The following CLIC5 variants were observed in gnomAD, a reference collection of about 807,000 sequenced individuals.
CLIC5 encodes CLIC family member 5, also known as chloride intracellular channel protein 5.
CLIC5 carries 20 observed loss-of-function variants against 24.7 expected under a neutral mutation model. The ratio of observed to expected loss-of-function variants is 0.81; its 90% CI spans 0.57 to 1.18. CLIC5 has a LOEUF of 1.18. CLIC5 is among the 50% of genes most tolerant of loss of function. The pLI is 0.00. For missense variants in CLIC5, 341 were observed against 326.1 expected (o/e 1.05, Z -0.35); for synonymous variants, 159 against 135.6 (o/e 1.17, Z -1.20).
chr6:46,079,666 G>C (rs1201117432), intron 1 of CLIC5: 1 of 1,500,394 alleles, frequency 6.7e-7, no homozygotes, highest in Non-Finnish European at 9.0e-7. Flanking sequence ...CATAATATCT[G>C]CATGAACAGG....
chr6:46,035,458 A>C (rs954262883), intron 1 of CLIC5, among the ~76,000 whole-genome samples: 2 of 152,168 alleles, frequency 1.3e-5, no homozygotes, highest in African/African-American at 4.8e-5. Flanking sequence ...TTAAACACAT[A>C]ACTCTGCCTG....
intron 1 of CLIC5, among the ~76,000 whole-genome samples, chr6:45,995,203 C>T (rs922551446): frequency 6.6e-6 from 1 of 152,130 alleles, no homozygotes; most frequent in African/African-American, 2.4e-5. Flanking sequence ...ACCATTAGTG[C>T]CTCAGTTTCC....
chr6:46,054,995 C>T (rs1449797258), intron 1 of CLIC5, among the ~76,000 whole-genome samples: 1 of 152,222 alleles, frequency 6.6e-6, no homozygotes, highest in African/African-American at 2.4e-5. Flanking sequence ...TGGGCCAAAC[C>T]TTTCAAAGAG....
chr6:46,028,359 GTGGT>G (rs1379827832), intron 1 of CLIC5, among the ~76,000 whole-genome samples: 2 of 152,200 alleles, frequency 1.3e-5, no homozygotes, highest in Admixed American at 6.5e-5. Flanking sequence ...GAAGTCCCAG[GTGGT>G]TGGAGTCATT....
chr6:46,073,702 T>G (rs1404814165), intron 1 of CLIC5, among the ~76,000 whole-genome samples: 1 of 152,224 alleles, frequency 6.6e-6, no homozygotes, highest in East Asian at 1.9e-4. Context: ...GCACTCTTAG[T>G]TATTCAACTT....
At chr6:45,904,720 T>C (rs2127295979) in intron 5 of CLIC5, among the ~76,000 whole-genome samples, 1 of 123,064 alleles carries the variant, frequency 8.1e-6, no homozygotes, top group East Asian at 2.3e-4. Context: ...TCACTCTCTC[T>C]CTCCTTCTCT....
At chr6:46,056,397 C>T (rs1275184380) in intron 1 of CLIC5, among the ~76,000 whole-genome samples, 2 of 152,144 alleles carry the variant, frequency 1.3e-5, no homozygotes, top group African/African-American at 2.4e-5. Context: ...AGGCAACTGG[C>T]TTCTTGGGTT....
intron 1 of CLIC5, among the ~76,000 whole-genome samples, chr6:45,963,498 C>T (rs967497151): frequency 2.6e-5 from 4 of 152,132 alleles, no homozygotes; most frequent in African/African-American, 9.7e-5. Context: ...TTGCTGACAT[C>T]CTCCTTTTTC....
At chr6:45,904,803 A>G (rs1223388251) in intron 5 of CLIC5, among the ~76,000 whole-genome samples, 3 of 150,016 alleles carry the variant, frequency 2.0e-5, no homozygotes, top group Non-Finnish European at 4.4e-5. Context: ...GGTATAACGC[A>G]TGATGCTGAG....
intron 5 of CLIC5, chr6:45,913,696 G>A: frequency 1.1e-6 from 1 of 882,754 alleles, no homozygotes; most frequent in Non-Finnish European, 1.5e-6. Flanking sequence ...GTTAGTAAGT[G>A]CAATGATAGC....
At chr6:46,118,099 C>A in the CLIC5 span, among the ~76,000 whole-genome samples, 1 of 152,202 alleles carries the variant, frequency 6.6e-6, no homozygotes, top group Non-Finnish European at 1.5e-5. Flanking sequence ...ACAGCCTGCC[C>A]AGCTCACCCA....
the CLIC5 span, among the ~76,000 whole-genome samples, chr6:46,120,836 T>C: frequency 0.012 from 1,885 of 151,938 alleles, 19 homozygotes; most frequent in Non-Finnish European, 0.015. Context: ...ATATCAGTGA[T>C]TGAAGATCAA....
the CLIC5 span, among the ~76,000 whole-genome samples, chr6:46,106,962 C>A: frequency 6.6e-6 from 1 of 152,030 alleles, no homozygotes; most frequent in African/African-American, 2.4e-5. Context: ...GCTATAAAGT[C>A]TTTTTTTATG....
At chr6:46,047,934 G>T (rs897383240) in intron 1 of CLIC5, among the ~76,000 whole-genome samples, 12 of 150,662 alleles carry the variant, frequency 8.0e-5, no homozygotes, top group Non-Finnish European at 1.8e-4. Flanking sequence ...GTATATAATA[G>T]TTTTCTAAAA....
At chr6:46,041,976 A>G (rs1244548835) in intron 1 of CLIC5, among the ~76,000 whole-genome samples, 2 of 152,202 alleles carry the variant, frequency 1.3e-5, no homozygotes, top group Non-Finnish European at 1.5e-5. Flanking sequence ...GAAGCTCTCA[A>G]TTAGAAACAA....
the CLIC5 span, among the ~76,000 whole-genome samples, chr6:46,105,149 G>C: frequency 6.6e-6 from 1 of 152,048 alleles, no homozygotes; most frequent in Non-Finnish European, 1.5e-5. Context: ...ACAGATGTGG[G>C]TTGTAACACA....
intron 1 of CLIC5, among the ~76,000 whole-genome samples, chr6:45,968,324 G>A (rs1446250393): frequency 6.6e-6 from 1 of 152,102 alleles, no homozygotes; most frequent in East Asian, 1.9e-4. Flanking sequence ...TCCTCCTGGG[G>A]TACTTTTATT....
the CLIC5 span, among the ~76,000 whole-genome samples, chr6:46,095,410 AT>A: frequency 6.6e-6 from 1 of 152,094 alleles, no homozygotes; most frequent in Non-Finnish European, 1.5e-5. Context: ...ATAAGTTCCA[AT>A]TTCAGGTCAT....
intron 3 of CLIC5, among the ~76,000 whole-genome samples, chr6:45,945,331 T>C (rs1033326907): frequency 6.6e-6 from 1 of 152,176 alleles, no homozygotes; most frequent in Non-Finnish European, 1.5e-5. Flanking sequence ...GCGGAGAATA[T>C]GCATACTCAC....
Sources: gnomAD v4.1 joint callset for allele counts (sites outside exome capture counted in the v4.1 genomes callset) on GRCh38, gnomAD v4.1.1 for gene constraint, MANE v1.5 for transcripts, NCBI Gene and HGNC (gene_info 2026-07-23, HGNC 2026-07-21) for gene names.